Variants in G2E3 observed in about 807,000 individuals in gnomAD.
G2E3 encodes G2/M phase-specific E3 ubiquitin-protein ligase.
In G2E3, 35 loss-of-function variants were observed where a neutral mutation model predicts 92.8. The observed-to-expected ratio is 0.38, with a 90% CI of 0.29 to 0.50. G2E3 has a LOEUF of 0.50. Ranked by LOEUF, G2E3 falls within the 20% of genes least tolerant of loss-of-function variation. The pLI, the probability that G2E3 is intolerant of heterozygous loss-of-function variation, is 0.94. For missense variants in G2E3, 554 were observed against 823.8 expected (o/e 0.67, Z 4.01); for synonymous variants, 242 against 272.4 (o/e 0.89, Z 1.10).
At chr14:30,584,868 G>A (rs1255897188) in intron 2 of G2E3, among the ~76,000 whole-genome samples, 23 of 124,672 alleles carry the variant, frequency 1.8e-4, no homozygotes, top group Admixed American at 3.1e-4. Flanking sequence ...TTGCTCTGTC[G>A]CCCAGGCTGG....
intron 9 of G2E3, 24 bp from the exon 10 acceptor site, chr14:30,601,975 T>C (rs769767816): frequency 1.9e-6 from 3 of 1,607,302 alleles, no homozygotes; most frequent in East Asian, 2.2e-5. Context: ...TCTATTATGC[T>C]AACATGGAAA....
rs1882272778 is a variant in G2E3 at position 30,615,523 on chromosome 14, C to T, written c.1848C>T (p.Tyr616=). The change falls in exon 14 of 15, where the codon TAC becomes TAT. Residue 616 remains tyrosine, a synonymous_variant. Coordinates refer to ENST00000206595, the MANE Select transcript of G2E3 (RefSeq NM_017769.5). ...AAGCTTTGGGGTTTTGGAACAGTTA[C>T]TTACAGGCTGTTGAAGGTATGTGGA... The part of the protein sequence containing the change: ...DVKALGFWNS[Y]LQAVEDGKST... 1.9e-6 allele frequency: 3 copies of T among 1,586,560 alleles called. No individual in the cohort carries two copies. Among genetic ancestry groups the T allele is most frequent in the Non-Finnish European group, 2.6e-6 (3 of 1,167,052 alleles).
At chr14:30,575,664 G>C (rs1880039109) in intron 1 of G2E3, among the ~76,000 whole-genome samples, 1 of 152,152 alleles carries the variant, frequency 6.6e-6, no homozygotes, top group Non-Finnish European at 1.5e-5. Context: ...AACAACTTCA[G>C]CAAAGTTGCA....
chr14:30,602,274 C>A (rs549075276), intron 10 of G2E3, 143 bp downstream of exon 10: 54 of 618,970 alleles, frequency 8.7e-5, no homozygotes, highest in Non-Finnish European at 1.3e-4. Context: ...AACATTTGAT[C>A]ATGAAATCAA....
intron 6 of G2E3, among the ~76,000 whole-genome samples, chr14:30,595,868 G>T (rs78255549): frequency 0.035 from 5,267 of 152,176 alleles, 120 homozygotes; most frequent in Middle Eastern, 0.061. Context: ...AAAGAAACTG[G>T]TAAAAACTTT....
At chr14:30,610,467 T>G (rs1393210354) in intron 12 of G2E3, among the ~76,000 whole-genome samples, 4 of 151,936 alleles carry the variant, frequency 2.6e-5, no homozygotes, top group Non-Finnish European at 5.9e-5. Context: ...TACAAAAAAA[T>G]TAGCCAGGTG....
chr14:30,568,310 A>G (rs1879557782), intron 1 of G2E3, among the ~76,000 whole-genome samples: 2 of 152,120 alleles, frequency 1.3e-5, no homozygotes, highest in Non-Finnish European at 2.9e-5. Context: ...TTTGATATCT[A>G]TAGCTTGACC....
At chr14:30,601,643 C>A in intron 8 of G2E3, 127 bp from the exon 9 acceptor site, 1 of 842,040 alleles carries the variant, frequency 1.2e-6, no homozygotes. Context: ...CTTTTTCTTC[C>A]TTTAGTAAAT....
At chr14:30,604,473 C>T (rs561758844) in intron 10 of G2E3, among the ~76,000 whole-genome samples, 2 of 152,194 alleles carry the variant, frequency 1.3e-5, no homozygotes, top group Non-Finnish European at 2.9e-5. Context: ...TGGTTTATAT[C>T]GTCACTTGGA....
Position 30,618,242 on chromosome 14 carries a change from G to C in G2E3, c.*1708G>C, listed in dbSNP as rs544788872. 1 of 152,108 alleles carries C rather than the reference G, an allele frequency of 6.6e-6. No homozygotes were observed. Among genetic ancestry groups the C allele is most frequent in the South Asian group, 2.1e-4 (1 of 4,824 alleles). 9.4% of individuals were successfully genotyped at this position (152,108 alleles called of 1,614,324 possible). A position where few individuals can be genotyped will look rare whatever the true frequency, so the allele number is the denominator to read the frequency against. The stretch of plus-strand genomic sequence containing the variant: ...ACAAGACATTTCTTTGGCTTTGGTT[G>C]AATTTTTTTGTCTCACCAATAGTAA... On this transcript the variant is annotated 3_prime_UTR_variant, in exon 15 of 15. Transcript: ENST00000206595.
At position 30,590,985 on chromosome 14, in the gene G2E3, C is replaced by A. The variant is rs1594488809; in HGVS notation, c.238-1338C>A. 3 of 230,150 alleles carry A rather than the reference C, an allele frequency of 1.3e-5. No homozygotes were observed. In the East Asian group the frequency reaches 3.5e-4, roughly 27 times the overall value. 14.3% of individuals were successfully genotyped at this position (230,150 alleles called of 1,614,324 possible). The stretch of plus-strand genomic sequence containing the variant: ...TGAAAATCCAAAACCCAAAATGTTC[C>A]AATGAGCATTTCCTTTGAGCATCAT... On this transcript the variant is annotated intron_variant, in intron 4 of 14. Transcript: ENST00000206595.
intron 8 of G2E3, among the ~76,000 whole-genome samples, chr14:30,598,975 G>A (rs868017961): frequency 6.6e-5 from 10 of 152,154 alleles, no homozygotes; most frequent in African/African-American, 2.4e-4. Flanking sequence ...CACAGACTGG[G>A]TGGCTTAAAA....
chr14:30,599,816 T>C (rs1881477362), intron 8 of G2E3, among the ~76,000 whole-genome samples: 1 of 152,236 alleles, frequency 6.6e-6, no homozygotes. Context: ...TTAAATTACA[T>C]ATATGGTTTA....
chr14:30,612,380 G>A lies in G2E3; in HGVS notation c.1673+1G>A. The A allele has an allele frequency of 6.5e-7, 1 of 1,545,626 alleles. No homozygotes were observed. The highest frequency in any genetic ancestry group is 8.8e-7 in the Non-Finnish European group (1 of 1,142,156). ...AGAGAGTCCACACACCCTTTGAAAGGTAAGTTGTTTCTATTAATATATGGC... is the reference window on the plus strand; with the variant it reads ...AGAGAGTCCACACACCCTTTGAAAGATAAGTTGTTTCTATTAATATATGGC... On this transcript the variant is annotated splice_donor_variant, in intron 13 of 14. Coordinates refer to ENST00000206595, the MANE Select transcript of G2E3 (RefSeq NM_017769.5). LOFTEE classifies it high-confidence loss of function.
At chr14:30,560,054 T>C (rs1254173224) in intron 1 of G2E3, 1 of 151,832 alleles carries the variant, frequency 6.6e-6, no homozygotes, top group Non-Finnish European at 1.5e-5. Flanking sequence ...GGAGTCTTTT[T>C]GGAAGTAATC....
chr14:30,610,412 G>A (rs1399690219), intron 12 of G2E3, among the ~76,000 whole-genome samples: 2 of 152,054 alleles, frequency 1.3e-5, no homozygotes, highest in Non-Finnish European at 2.9e-5. Context: ...TCAGCAGTTC[G>A]AGACCAGCCT....
chr14:30,569,778 A>C (rs1162488814), intron 1 of G2E3, among the ~76,000 whole-genome samples: 2 of 152,174 alleles, frequency 1.3e-5, no homozygotes, highest in East Asian at 3.9e-4. Context: ...TGATAATCCA[A>C]TCCAAGGAGA....
At chr14:30,590,596 A>G (rs1880951184) in intron 4 of G2E3, 2 of 451,058 alleles carry the variant, frequency 4.4e-6, no homozygotes, top group Non-Finnish European at 4.5e-6. Context: ...AGGGAAGCAC[A>G]TAAGAAACAT....
intron 1 of G2E3, among the ~76,000 whole-genome samples, chr14:30,574,083 CTT>C (rs1337393980): frequency 1.3e-5 from 2 of 152,134 alleles, no homozygotes; most frequent in African/African-American, 2.4e-5. Context: ...ATTAACCACT[CTT>C]TATTATTTTC....
Sources: gnomAD v4.1 joint callset for allele counts (sites outside exome capture counted in the v4.1 genomes callset) on GRCh38, gnomAD v4.1.1 for gene constraint, MANE v1.5 for transcripts, NCBI Gene and HGNC (gene_info 2026-07-23, HGNC 2026-07-21) for gene names.